Variants in ABCA12 observed in about 807,000 individuals in gnomAD.
ABCA12 encodes the protein glucosylceramide transporter ABCA12.
Under a neutral mutation model 293.5 loss-of-function variants are expected in ABCA12, and 156 were observed. That is an observed-to-expected ratio of 0.53 (90% CI 0.47 to 0.61). The LOEUF (loss-of-function observed/expected upper bound fraction) is 0.61, where lower values mean the gene tolerates loss of function less well. Among genes scored for constraint, ABCA12 ranks in the 20% least tolerant of loss-of-function variants. ABCA12 has a pLI of 0.00. For missense variants in ABCA12, 2,797 were observed against 3,090.2 expected (o/e 0.91, Z 2.25); for synonymous variants, 1,063 against 1,108.0 (o/e 0.96, Z 0.81).
chr2:214,944,423 T>C (rs1698510280), intron 49 of ABCA12, among the ~76,000 whole-genome samples: 1 of 127,118 alleles, frequency 7.9e-6, no homozygotes, highest in African/African-American at 2.9e-5. Context: ...ATAAAAAAAA[T>C]TAAAAAATAA....
At chr2:214,948,469 C>T (rs1453343351) in intron 47 of ABCA12, 127 bp downstream of exon 47, 2 of 992,084 alleles carry the variant, frequency 2.0e-6, no homozygotes, top group East Asian at 5.4e-5. Flanking sequence ...AGGAAAATGA[C>T]AATGTTTTCC....
chr2:214,934,306 A>G (rs1175754836), intron 51 of ABCA12, 91 bp from the exon 52 acceptor site: 6 of 1,399,814 alleles, frequency 4.3e-6, no homozygotes, highest in Non-Finnish European at 4.1e-6. Context: ...CAGGAAAATA[A>G]CTGAAGTTCA....
At chr2:214,935,831 A>G (rs956965867) in intron 51 of ABCA12, among the ~76,000 whole-genome samples, 33 of 152,166 alleles carry the variant, frequency 2.2e-4, no homozygotes, top group Non-Finnish European at 1.2e-4. Context: ...TAAGAAAGCT[A>G]TTCTTTCCTA....
At position 214,983,496 on chromosome 2, in the gene ABCA12, G is replaced by A. The variant is rs1699715632; in HGVS notation, c.4382+151C>T. The A allele has an allele frequency of 1.2e-5, 9 of 773,712 alleles. No individual in the cohort carries two copies. In the South Asian group the frequency reaches 1.4e-4, roughly 12 times the overall value. 47.9% of individuals were successfully genotyped at this position (773,712 alleles called of 1,614,324 possible). A position where few individuals can be genotyped will look rare whatever the true frequency, so the allele number is the denominator to read the frequency against. On this transcript the variant is annotated intron_variant, in intron 29 of 52. Transcript: ENST00000272895. The stretch of plus-strand genomic sequence containing the variant: ...GCCGGTAAGGATAATGACCTTAAAT[G>A]TTTGCAATATTAAATAAGTAGAAAA...
At chr2:215,032,069 G>T (rs1286416458) in intron 8 of ABCA12, 173 bp from the exon 9 acceptor site, 4 of 1,477,002 alleles carry the variant, frequency 2.7e-6, no homozygotes, top group Non-Finnish European at 3.6e-6. Context: ...GGAAATATTT[G>T]TGATATTTAT....
chr2:215,060,526 T>C (rs1701508458), intron 3 of ABCA12, among the ~76,000 whole-genome samples: 1 of 152,084 alleles, frequency 6.6e-6, no homozygotes, highest in Admixed American at 6.6e-5. Context: ...AACTATGTAG[T>C]AACAAAAATG....
At chr2:215,131,811 C>T (rs1176502680) in intron 1 of ABCA12, among the ~76,000 whole-genome samples, 1 of 147,214 alleles carries the variant, frequency 6.8e-6, no homozygotes, top group Admixed American at 6.9e-5. Flanking sequence ...TTTTCTAGTA[C>T]CTTCAAGTGT....
In ABCA12 at chr2:215,104,188, G is replaced by A. The variant is rs111287259; in HGVS notation, c.163+7409C>T. Among the ~76,000 whole-genome samples the A allele has an allele frequency of 6.4e-4, 97 of 152,234 alleles. 1 individual carries two copies. The highest frequency in any genetic ancestry group is 2.2e-3 in the African/African-American group (90 of 41,530). On this transcript the variant is annotated intron_variant, in intron 2 of 52. Transcript: ENST00000272895. ...ATTTCACTGAGACAATCACCTTTGG[G>A]AAGCTTGCAAGGTAGACTACACAAT...
chr2:215,138,080 T>C, intron 1 of ABCA12, 60 bp downstream of exon 1: 1 of 1,501,084 alleles, frequency 6.7e-7, no homozygotes, highest in Non-Finnish European at 9.3e-7. Flanking sequence ...AAGATCACAT[T>C]TTAGGATTAC....
chr2:214,937,565 G>T lies in ABCA12; in HGVS notation c.7487C>A (p.Thr2496Asn). Residue 2496 changes from threonine to asparagine, a missense_variant, in exon 51 of 53, where the codon ACC becomes AAC. This residue lies in a region of ABCA12 where 2,130 missense variants were observed against 2,427.0 expected (regional missense o/e 0.88). Transcript: ENST00000272895. ...VKVHLKNNKV[T>N]METLTKFMQL... ...CATGAACTTTGTGAGGGTCTCCATG[G>T]TCACTTTGTTATTCTTCAAGTGAAC... The T allele has an allele frequency of 6.2e-7, 1 of 1,613,902 alleles. No individual in the cohort carries two copies. The highest frequency in any genetic ancestry group is 2.2e-5 in the East Asian group (1 of 44,874).
chr2:215,137,306 T>C (rs1162283498), intron 1 of ABCA12, among the ~76,000 whole-genome samples: 1 of 152,168 alleles, frequency 6.6e-6, no homozygotes, highest in East Asian at 1.9e-4. Context: ...TGCATAATAT[T>C]TACATTACTC....
At chr2:215,029,568 T>C (rs1248319986) in intron 9 of ABCA12, among the ~76,000 whole-genome samples, 4 of 152,014 alleles carry the variant, frequency 2.6e-5, no homozygotes, top group Admixed American at 2.6e-4. Flanking sequence ...AGTTTCATGG[T>C]GTATTGTCAA....
Position 215,049,955 on chromosome 2 carries a change from G to A in ABCA12, c.508-144C>T, listed in dbSNP as rs571281448. On this transcript the variant is annotated intron_variant, in intron 5 of 52. Transcript: ENST00000272895. ...TAGCAGCTATTAAAATAACAATAAA[G>A]TAGATAGAGTTTACCCATGAAACTT... is the stretch of plus-strand genomic sequence containing the variant. The A allele has an allele frequency of 3.4e-4, 245 of 713,708 alleles. 1 individual carries two copies. Among genetic ancestry groups the A allele is most frequent in the Admixed American group, 7.9e-4 (33 of 41,824 alleles). 44.2% of individuals were successfully genotyped at this position (713,708 alleles called of 1,614,324 possible).
intron 4 of ABCA12, 90 bp downstream of exon 4, chr2:215,054,483 T>C: frequency 1.7e-6 from 2 of 1,148,664 alleles, no homozygotes; most frequent in South Asian, 1.2e-5. Context: ...CCTTCTTTGT[T>C]TGAAAAGTTT....
At chr2:215,100,110 G>T (rs2106115989) in intron 2 of ABCA12, among the ~76,000 whole-genome samples, 1 of 151,732 alleles carries the variant, frequency 6.6e-6, no homozygotes, top group South Asian at 2.1e-4. Context: ...GACCTCCCAG[G>T]CTCAAGTGAT....
intron 2 of ABCA12, among the ~76,000 whole-genome samples, chr2:215,086,907 T>C (rs940274): frequency 0.89 from 133,619 of 150,378 alleles, 60,743 homozygotes; most frequent in Non-Finnish European, 0.99. Flanking sequence ...CTTACCTTTC[T>C]CTAACTACCA....
intron 1 of ABCA12, among the ~76,000 whole-genome samples, chr2:215,127,135 A>G (rs1181216509): frequency 6.6e-6 from 1 of 152,070 alleles, no homozygotes; most frequent in Admixed American, 6.6e-5. Context: ...TTCCAGTTTG[A>G]TTCCACTGTG....
chr2:214,932,915 C>A (rs2105905784), intron 52 of ABCA12, among the ~76,000 whole-genome samples, 174 bp from the exon 53 acceptor site: 1 of 152,232 alleles, frequency 6.6e-6, no homozygotes, highest in Non-Finnish European at 1.5e-5. Context: ...CACTAGGAGT[C>A]CTTTCAGAAA....
chr2:214,993,186 T>C (rs1012095808), intron 23 of ABCA12, among the ~76,000 whole-genome samples: 2 of 152,202 alleles, frequency 1.3e-5, no homozygotes, highest in African/African-American at 4.8e-5. Flanking sequence ...ACTTTCCCTC[T>C]TAACTTTGCC....
Sources: gnomAD v4.1 joint callset for allele counts (sites outside exome capture counted in the v4.1 genomes callset) on GRCh38, gnomAD v4.1.1 for gene constraint, gnomAD v4.1.1 regional missense constraint, MANE v1.5 for transcripts, NCBI Gene and HGNC (gene_info 2026-07-23, HGNC 2026-07-21) for gene names.